Variants in EPHA7 observed in about 807,000 individuals in gnomAD.
EPHA7 encodes EPH receptor A7.
Under a neutral mutation model 112.6 loss-of-function variants are expected in EPHA7, and 25 were observed. That is an observed-to-expected ratio of 0.22 (90% CI 0.16 to 0.31). EPHA7 has a LOEUF of 0.31. Among genes scored for constraint, EPHA7 ranks in the 10% least tolerant of loss-of-function variants. EPHA7 has a pLI of 1.00. For synonymous variants in EPHA7, 437 were observed against 406.5 expected, an observed-to-expected ratio of 1.07 and a Z score of -0.90; for missense variants, 962 against 1,212.6, an observed-to-expected ratio of 0.79 and a Z score of 3.07.
At chr6:93,306,228 T>C (rs1582487367) in intron 5 of EPHA7, among the ~76,000 whole-genome samples, 1 of 152,094 alleles carries the variant, frequency 6.6e-6, no homozygotes, top group East Asian at 1.9e-4. Flanking sequence ...GACTTTTTAT[T>C]TTGCTGATAG....
intron 5 of EPHA7, among the ~76,000 whole-genome samples, chr6:93,320,952 G>C (rs1262045643): frequency 7.2e-5 from 11 of 151,810 alleles, no homozygotes; most frequent in Admixed American, 3.9e-4. Flanking sequence ...TAGCAAGATA[G>C]TTTGTGTATA....
rs371272703 is a variant in EPHA7, at chr6:93,333,760, T to C, written c.1324+22957A>G. 4.2e-4 allele frequency among the ~76,000 whole-genome samples: 64 copies of C among 151,858 alleles called. 1 individual carries two copies. The highest frequency in any genetic ancestry group is 1.4e-3 in the African/African-American group (60 of 41,506). On this transcript the variant is annotated intron_variant, in intron 5 of 16. Transcript: ENST00000369303. ...CTAGACAGGTGAAAGATCTGTACAATGAGAATTACTAAACACTGCTGAAAG... is the reference window on the plus strand; with the variant it reads ...CTAGACAGGTGAAAGATCTGTACAACGAGAATTACTAAACACTGCTGAAAG...
At chr6:93,368,847 T>C (rs1488460269) in intron 3 of EPHA7, among the ~76,000 whole-genome samples, 1 of 152,032 alleles carries the variant, frequency 6.6e-6, no homozygotes, top group East Asian at 1.9e-4. Flanking sequence ...ATTTAGTCAG[T>C]TATAAAATGT....
At chr6:93,249,886 T>A (rs1049142039) in intron 14 of EPHA7, among the ~76,000 whole-genome samples, 2 of 152,170 alleles carry the variant, frequency 1.3e-5, no homozygotes, top group African/African-American at 4.8e-5. Context: ...TATTCTTAAG[T>A]TTTTGTAGCA....
chr6:93,263,622 T>C (rs1466391603), intron 9 of EPHA7, among the ~76,000 whole-genome samples: 1 of 151,490 alleles, frequency 6.6e-6, no homozygotes, highest in African/African-American at 2.4e-5. Flanking sequence ...AACATTGTGA[T>C]GTAAAAGCAG....
rs1360010725 is a variant in EPHA7 at position 93,311,865 on chromosome 6, A to G, written c.1325-39443T>C. On this transcript the variant is annotated intron_variant, in intron 5 of 16. Coordinates refer to ENST00000369303, the MANE Select transcript of EPHA7 (RefSeq NM_004440.4). ...TGGGCTGCAGAATAAATATCATTTT[A>G]GCAGGCATGACAATAATATTAATCT... Among the ~76,000 whole-genome samples, 10 of 152,350 alleles carry G rather than the reference A, an allele frequency of 6.6e-5. 1 individual carries two copies. In the South Asian group the frequency reaches 1.9e-3, roughly 28 times the overall value.
chr6:93,336,917 A>C (rs1582546919), intron 5 of EPHA7, among the ~76,000 whole-genome samples: 1 of 151,936 alleles, frequency 6.6e-6, no homozygotes, highest in East Asian at 1.9e-4. Flanking sequence ...AAAAACAAAG[A>C]AGCTTTTATC....
intron 5 of EPHA7, among the ~76,000 whole-genome samples, chr6:93,314,922 G>C (rs1201707442): frequency 7.0e-6 from 1 of 141,966 alleles, no homozygotes; most frequent in East Asian, 2.0e-4. Context: ...GAGTGCAGTG[G>C]CGCGATCTCG....
chr6:93,385,813 G>C (rs778204288), intron 3 of EPHA7, among the ~76,000 whole-genome samples: 3 of 152,174 alleles, frequency 2.0e-5, no homozygotes, highest in Non-Finnish European at 4.4e-5. Flanking sequence ...ATAAAGGAAA[G>C]AGGTTTAATT....
chr6:93,417,038 C>G (rs1236200387), intron 1 of EPHA7, among the ~76,000 whole-genome samples: 1 of 151,740 alleles, frequency 6.6e-6, no homozygotes, highest in Non-Finnish European at 1.5e-5. Context: ...AGGAGAGTGG[C>G]TTTCGGGAAG....
chr6:93,308,570 C>A (rs1040415054), intron 5 of EPHA7, among the ~76,000 whole-genome samples: 15 of 151,906 alleles, frequency 9.9e-5, no homozygotes, highest in African/African-American at 3.4e-4. Context: ...ATCTTACTTA[C>A]GTGTTTATTT....
At chr6:93,411,206 C>CA in intron 2 of EPHA7, 36 bp from the exon 3 acceptor site, 2 of 1,543,908 alleles carry the variant, frequency 1.3e-6, no homozygotes, top group Non-Finnish European at 1.8e-6. Context: ...AGTCATTCAG[C>CA]AAAAAATAAC....
intron 5 of EPHA7, among the ~76,000 whole-genome samples, chr6:93,307,438 A>T (rs1773313045): frequency 6.6e-6 from 1 of 152,116 alleles, no homozygotes; most frequent in African/African-American, 2.4e-5. Context: ...CCATTTCCAC[A>T]ATCCTTTAAA....
rs138821952 is a variant in EPHA7, at chr6:93,325,358, C to T, written c.1324+31359G>A. ...CCAAGTCCTTCTAAAAAGATATATGCCTCTTTATCAAAACAAAAGCCAGGC... is the reference window on the plus strand; with the variant it reads ...CCAAGTCCTTCTAAAAAGATATATGTCTCTTTATCAAAACAAAAGCCAGGC... On this transcript the variant is annotated intron_variant, in intron 5 of 16. Transcript: ENST00000369303. 9.3e-5 allele frequency among the ~76,000 whole-genome samples: 14 copies of T among 151,138 alleles called. No homozygotes were observed. The East Asian group carries it at 1.4e-3, about 15-fold the overall frequency.
chr6:93,249,905 AG>A (rs1474968961), intron 14 of EPHA7, among the ~76,000 whole-genome samples: 1 of 152,192 alleles, frequency 6.6e-6, no homozygotes, highest in African/African-American at 2.4e-5. Flanking sequence ...CACTGAACAT[AG>A]GACCATTAAA....
At chr6:93,415,299 T>TA (rs1334279320) in intron 1 of EPHA7, among the ~76,000 whole-genome samples, 2 of 152,028 alleles carry the variant, frequency 1.3e-5, no homozygotes, top group Non-Finnish European at 1.5e-5. Flanking sequence ...TAAAAACTGT[T>TA]AAGCAATGTT....
intron 3 of EPHA7, among the ~76,000 whole-genome samples, chr6:93,408,607 C>T (rs1429555638): frequency 6.6e-6 from 1 of 152,076 alleles, no homozygotes; most frequent in Non-Finnish European, 1.5e-5. Context: ...TCTATGGGAC[C>T]TGAACCTATA....
chr6:93,378,882 A>C (rs1407970894), intron 3 of EPHA7, among the ~76,000 whole-genome samples: 1 of 152,072 alleles, frequency 6.6e-6, no homozygotes, highest in Non-Finnish European at 1.5e-5. Context: ...ACTTCTGTCA[A>C]AGTCTTGTGT....
chr6:93,374,499 T>C (rs1776954786), intron 3 of EPHA7, among the ~76,000 whole-genome samples: 1 of 152,252 alleles, frequency 6.6e-6, no homozygotes, highest in African/African-American at 2.4e-5. Flanking sequence ...GTCTTCCTTT[T>C]AAGTGTCATG....
Sources: gnomAD v4.1 joint callset for allele counts (sites outside exome capture counted in the v4.1 genomes callset) on GRCh38, gnomAD v4.1.1 for gene constraint, MANE v1.5 for transcripts, NCBI Gene and HGNC (gene_info 2026-07-23, HGNC 2026-07-21) for gene names.